ACTR3C: variants seen among roughly 807,000 people sequenced by gnomAD.
The protein encoded by ACTR3C is actin-related protein 3C.
ACTR3C carries 18 observed loss-of-function variants against 26.3 expected under a neutral mutation model. The observed-to-expected ratio is 0.68, with a 90% CI of 0.47 to 1.01. ACTR3C has a LOEUF of 1.01. ACTR3C is among the 50% of genes least tolerant of loss of function. The pLI, the probability that ACTR3C is intolerant of heterozygous loss-of-function variation, is 0.00. For synonymous variants in ACTR3C, 55 were observed against 94.5 expected (o/e 0.58, Z 2.42); for missense variants, 184 against 250.7 (o/e 0.73, Z 1.80).
At chr7:150,185,851 C>T in the ACTR3C span, among the ~76,000 whole-genome samples, 2 of 151,090 alleles carry the variant, frequency 1.3e-5, no homozygotes, top group African/African-American at 2.4e-5. Context: ...CGGGGCCCAG[C>T]CAGATAAAAA....
chr7:150,242,510 T>C (rs11489455), downstream of ACTR3C, among the ~76,000 whole-genome samples: 26,064 of 148,456 alleles, frequency 0.18, 4,041 homozygotes, highest in African/African-American at 0.41. Context: ...CTAAAATATG[T>C]GCATTCTATT....
the ACTR3C span, among the ~76,000 whole-genome samples, chr7:149,997,225 C>T: frequency 4.6e-5 from 7 of 151,392 alleles, no homozygotes; most frequent in Non-Finnish European, 8.8e-5. Context: ...CTCCAGCTGG[C>T]TGTGGTGGTT....
the ACTR3C span, among the ~76,000 whole-genome samples, chr7:150,177,192 A>G: frequency 6.6e-6 from 1 of 150,736 alleles, no homozygotes; most frequent in Non-Finnish European, 1.5e-5. Flanking sequence ...TACTGAAATT[A>G]TTCATTTTGT....
At chr7:149,942,430 T>C in the ACTR3C span, among the ~76,000 whole-genome samples, 2 of 152,092 alleles carry the variant, frequency 1.3e-5, no homozygotes, top group African/African-American at 4.8e-5. Flanking sequence ...GTTTCTTGGA[T>C]TGCATCAGTA....
chr7:150,064,093 G>T, the ACTR3C span, among the ~76,000 whole-genome samples: 1 of 152,070 alleles, frequency 6.6e-6, no homozygotes, highest in Non-Finnish European at 1.5e-5. Context: ...GGTATGATGT[G>T]CCTGTGCACC....
intron 6 of ACTR3C, among the ~76,000 whole-genome samples, chr7:150,282,317 T>C (rs1835414519): frequency 1.3e-5 from 2 of 152,018 alleles, no homozygotes; most frequent in South Asian, 4.2e-4. Context: ...GTGAACCACG[T>C]GCAAAGAAAT....
At chr7:150,248,372 A>G (rs570588421) in intron 7 of ACTR3C, 2 of 152,374 alleles carry the variant, frequency 1.3e-5, no homozygotes, top group South Asian at 4.1e-4. Context: ...TTAAAAAAAA[A>G]AAAGAGTAGG....
the ACTR3C span, among the ~76,000 whole-genome samples, chr7:150,120,343 T>C: frequency 6.6e-6 from 1 of 151,968 alleles, no homozygotes; most frequent in South Asian, 2.1e-4. Context: ...CTAACCAGTC[T>C]AATAAAGAAG....
chr7:150,267,253 G>T (rs185205253), intron 6 of ACTR3C, among the ~76,000 whole-genome samples: 46 of 152,332 alleles, frequency 3.0e-4, no homozygotes, highest in Non-Finnish European at 5.4e-4. Flanking sequence ...CATTATCTGC[G>T]GCTCACGCTC....
chr7:149,932,657 C>A, the ACTR3C span, among the ~76,000 whole-genome samples: 1 of 142,396 alleles, frequency 7.0e-6, no homozygotes, highest in Non-Finnish European at 1.5e-5. Flanking sequence ...TGTTCAATGT[C>A]TTAATTCCTG....
chr7:150,058,989 C>A, the ACTR3C span, among the ~76,000 whole-genome samples: 1 of 152,140 alleles, frequency 6.6e-6, no homozygotes, highest in African/African-American at 2.4e-5. Flanking sequence ...ACACCTTGAG[C>A]CCTGAGAGCA....
chr7:150,216,198 T>C, the ACTR3C span, among the ~76,000 whole-genome samples: 3 of 152,038 alleles, frequency 2.0e-5, no homozygotes, highest in Non-Finnish European at 2.9e-5. Context: ...TAAAATGGGG[T>C]CTCAAATTAT....
At chr7:149,901,027 T>C in the ACTR3C span, among the ~76,000 whole-genome samples, 2 of 152,162 alleles carry the variant, frequency 1.3e-5, no homozygotes. Flanking sequence ...AGCGAGATTC[T>C]GTCTCAAAAA....
At chr7:150,189,133 T>C in the ACTR3C span, among the ~76,000 whole-genome samples, 6 of 151,314 alleles carry the variant, frequency 4.0e-5, no homozygotes, top group Non-Finnish European at 8.8e-5. Context: ...ATGCATTTAC[T>C]AATGTATTCA....
At chr7:149,926,939 C>G in the ACTR3C span, among the ~76,000 whole-genome samples, 1 of 152,070 alleles carries the variant, frequency 6.6e-6, no homozygotes, top group African/African-American at 2.4e-5. Flanking sequence ...TTCTCTCGTG[C>G]TCACAATCTC....
At chr7:150,258,534 C>G (rs1328269527) in intron 6 of ACTR3C, among the ~76,000 whole-genome samples, 6 of 152,148 alleles carry the variant, frequency 3.9e-5, no homozygotes, top group Non-Finnish European at 8.8e-5. Context: ...TGAATCTACT[C>G]AAAGGTCATT....
At chr7:150,117,593 A>G in the ACTR3C span, among the ~76,000 whole-genome samples, 1 of 152,226 alleles carries the variant, frequency 6.6e-6, no homozygotes, top group Non-Finnish European at 1.5e-5. Context: ...TCAGGGGCAT[A>G]TAGATAAAAC....
At chr7:150,302,583 C>T (rs1795513468) in intron 1 of ACTR3C, among the ~76,000 whole-genome samples, 1 of 151,786 alleles carries the variant, frequency 6.6e-6, no homozygotes, top group Admixed American at 6.6e-5. Flanking sequence ...GGTGTAAAAT[C>T]ATTTTAAAAA....
chr7:150,295,367 A>G lies in ACTR3C; in HGVS notation c.-51-20T>C. The G allele has an allele frequency of 2.5e-6, 4 of 1,609,002 alleles. No individual in the cohort carries two copies. Among genetic ancestry groups the G allele is most frequent in the South Asian group, 1.1e-5 (1 of 90,968 alleles). ...TTCTGTCTGTAAGAAAACATTCACT[A>G]TATTTAGTGTTTACCCAAATTTCAT... is the stretch of plus-strand genomic sequence containing the variant. On this transcript the variant is annotated intron_variant, in intron 1 of 7. Transcript: ENST00000683684.
Sources: gnomAD v4.1 joint callset for allele counts (sites outside exome capture counted in the v4.1 genomes callset) on GRCh38, gnomAD v4.1.1 for gene constraint, MANE v1.5 for transcripts, NCBI Gene and HGNC (gene_info 2026-07-23, HGNC 2026-07-21) for gene names.